The following STXBP6 variants were observed in gnomAD, a reference collection of about 807,000 sequenced individuals.
The protein encoded by STXBP6 is syntaxin-binding protein 6.
STXBP6 carries 21 observed loss-of-function variants against 26.9 expected under a neutral mutation model. The observed-to-expected ratio is 0.78, with a 90% confidence interval of 0.55 to 1.12. The LOEUF is 1.12. STXBP6 is among the 50% of genes most tolerant of loss of function. The probability of loss-of-function intolerance (pLI) is 0.00; values close to 1 mark genes in which losing one functional copy is unlikely to be tolerated. For missense variants in STXBP6, 232 were observed against 257.9 expected, an observed-to-expected ratio of 0.90 and a Z score of 0.69; for synonymous variants, 97 against 92.6, an observed-to-expected ratio of 1.05 and a Z score of -0.27.
At chr14:24,972,287 A>G (rs2073927371) in intron 2 of STXBP6, among the ~76,000 whole-genome samples, 3 of 152,348 alleles carry the variant, frequency 2.0e-5, no homozygotes, top group Middle Eastern at 3.4e-3. Flanking sequence ...TTTGCAAAGG[A>G]AATACAGTTA....
chr14:24,878,129 TTG>T (rs1177941562), intron 2 of STXBP6, among the ~76,000 whole-genome samples: 1 of 152,164 alleles, frequency 6.6e-6, no homozygotes, highest in Non-Finnish European at 1.5e-5. Context: ...GATTAGCCCT[TTG>T]TGATTTGAGT....
intron 2 of STXBP6, among the ~76,000 whole-genome samples, chr14:24,874,098 C>T (rs547738043): frequency 1.2e-4 from 19 of 152,202 alleles, no homozygotes; most frequent in East Asian, 1.2e-3. Context: ...TTTTAAGTAA[C>T]GGCAATTTTT....
chr14:24,876,789 T>C (rs1252205966), intron 2 of STXBP6, among the ~76,000 whole-genome samples: 1 of 152,212 alleles, frequency 6.6e-6, no homozygotes, highest in African/African-American at 2.4e-5. Flanking sequence ...TTTAACAGCT[T>C]CAACTGGTAA....
intron 2 of STXBP6, among the ~76,000 whole-genome samples, chr14:24,861,888 C>T (rs2069551042): frequency 1.3e-5 from 2 of 151,994 alleles, no homozygotes; most frequent in Non-Finnish European, 2.9e-5. Flanking sequence ...GGGGCCCTCC[C>T]CTTCTCCTCC....
At chr14:24,818,686 G>A (rs186020028) in intron 5 of STXBP6, among the ~76,000 whole-genome samples, 1 of 152,238 alleles carries the variant, frequency 6.6e-6, no homozygotes, top group African/African-American at 2.4e-5. Context: ...GGCTAAGTGG[G>A]GCAGGGATAT....
At chr14:24,981,194 T>C (rs1809255777) in intron 1 of STXBP6, among the ~76,000 whole-genome samples, 1 of 152,204 alleles carries the variant, frequency 6.6e-6, no homozygotes. Flanking sequence ...TAATCCCAAA[T>C]GTGTAATCAA....
chr14:24,970,777 G>T (rs958820303), intron 2 of STXBP6, among the ~76,000 whole-genome samples: 1 of 152,120 alleles, frequency 6.6e-6, no homozygotes, highest in African/African-American at 2.4e-5. Context: ...ATAAAAAACT[G>T]CCAAGTTGTT....
chr14:24,896,964 C>T lies in STXBP6; in HGVS notation c.155-39807G>A, dbSNP rs535804660. Among the ~76,000 whole-genome samples the T allele has an allele frequency of 1.1e-3, 166 of 152,252 alleles. 1 individual carries two copies. Among genetic ancestry groups the T allele is most frequent in the African/African-American group, 3.8e-3 (158 of 41,538 alleles). On this transcript the variant is annotated intron_variant, in intron 2 of 5. Coordinates refer to ENST00000323944, the MANE Select transcript of STXBP6 (RefSeq NM_001394410.1). ...AGGAAGGCTGTACCACTGGGTGAGA[C>T]ATAAGACTAAAGGCCTTACACACCA...
At chr14:25,033,821 T>G (rs55653788) in intron 1 of STXBP6, among the ~76,000 whole-genome samples, 20,453 of 152,242 alleles carry the variant, frequency 0.13, 1,468 homozygotes, top group Middle Eastern at 0.18. Context: ...CTTGTCTGAT[T>G]TTGCTCACCA....
At chr14:25,007,534 G>T (rs2074931096) in intron 1 of STXBP6, among the ~76,000 whole-genome samples, 1 of 152,076 alleles carries the variant, frequency 6.6e-6, no homozygotes, top group Admixed American at 6.5e-5. Context: ...CCCTGTTTTA[G>T]TTTTCCCCGT....
At chr14:24,915,441 T>C (rs767661065) in intron 2 of STXBP6, among the ~76,000 whole-genome samples, 18 of 152,118 alleles carry the variant, frequency 1.2e-4, no homozygotes, top group Non-Finnish European at 2.4e-4. Context: ...ATGATTACCA[T>C]TGTAGTTGTA....
chr14:24,826,171 C>G (rs1245949461), intron 4 of STXBP6, among the ~76,000 whole-genome samples: 4 of 152,068 alleles, frequency 2.6e-5, no homozygotes, highest in Non-Finnish European at 5.9e-5. Context: ...ATTGAAAACT[C>G]TCTACACAAT....
At chr14:25,034,275 C>G (rs2075513894) in intron 1 of STXBP6, among the ~76,000 whole-genome samples, 1 of 152,186 alleles carries the variant, frequency 6.6e-6, no homozygotes, top group African/African-American at 2.4e-5. Flanking sequence ...CCATATCCCT[C>G]TGTGGAGGCC....
intron 2 of STXBP6, among the ~76,000 whole-genome samples, chr14:24,936,003 C>T (rs966582612): frequency 6.6e-6 from 1 of 152,198 alleles, no homozygotes; most frequent in African/African-American, 2.4e-5. Flanking sequence ...TCACAAAGCA[C>T]ATGTGACTCT....
In STXBP6 at chr14:25,049,938, G is replaced by T; in HGVS notation, c.-93C>A. 1.1e-6 allele frequency: 1 copy of T among 945,734 alleles called. No homozygotes were observed. The highest frequency in any genetic ancestry group is 1.3e-6 in the Non-Finnish European group (1 of 794,106). The allele number at this position is 945,734 out of a possible 1,614,324, so 58.6% of individuals were successfully genotyped here. A position where few individuals can be genotyped will look rare whatever the true frequency, so the allele number is the denominator to read the frequency against. On this transcript the variant is annotated 5_prime_UTR_variant, in exon 1 of 6. Transcript: ENST00000323944. This position sits in a 1 kb window ranked among gnomAD's most constrained non-coding sequence, Gnocchi z 5.6. Reference sequence around the variant, plus strand: ...CGCGGCACGCGTCCCAGAGCACGAGGCTCCTCCCCGGGGGGCTGCCCCGCG... The same window carrying T: ...CGCGGCACGCGTCCCAGAGCACGAGTCTCCTCCCCGGGGGGCTGCCCCGCG...
chr14:25,007,446 A>T (rs1455344377), intron 1 of STXBP6, among the ~76,000 whole-genome samples: 2 of 152,212 alleles, frequency 1.3e-5, no homozygotes, highest in Non-Finnish European at 2.9e-5. Flanking sequence ...CTGTGGGTAC[A>T]ATCAGTCACC....
intron 1 of STXBP6, among the ~76,000 whole-genome samples, chr14:25,033,391 T>A (rs944497733): frequency 4.6e-5 from 7 of 152,254 alleles, no homozygotes; most frequent in Non-Finnish European, 8.8e-5. Flanking sequence ...TATCTTCTCT[T>A]GGACTTCCAC....
At chr14:24,999,573 T>C (rs1194206314) in intron 1 of STXBP6, among the ~76,000 whole-genome samples, 7 of 152,084 alleles carry the variant, frequency 4.6e-5, no homozygotes, top group Admixed American at 3.9e-4. Context: ...CATTAGCAGA[T>C]ATGAATACAA....
At chr14:25,013,872 AAAT>A (rs929322195) in intron 1 of STXBP6, among the ~76,000 whole-genome samples, 5 of 152,214 alleles carry the variant, frequency 3.3e-5, no homozygotes, top group Non-Finnish European at 5.9e-5. Context: ...CTAAAGAGAA[AAAT>A]AATGAGAAAA....
Sources: gnomAD v4.1 joint callset for allele counts (sites outside exome capture counted in the v4.1 genomes callset) on GRCh38, gnomAD v4.1.1 for gene constraint, Gnocchi (gnomAD v3.1) non-coding constraint, MANE v1.5 for transcripts, NCBI Gene and HGNC (gene_info 2026-07-23, HGNC 2026-07-21) for gene names.